Variants in PAX7 observed in about 807,000 individuals in gnomAD.
The protein encoded by PAX7 is paired box protein Pax-7.
Under a neutral mutation model 50.7 loss-of-function variants are expected in PAX7, and 18 were observed. The observed-to-expected ratio is 0.36, with a 90% CI of 0.25 to 0.53. The LOEUF (loss-of-function observed/expected upper bound fraction) is 0.53. PAX7 is among the 20% of genes least tolerant of loss of function. The pLI is 0.93. For synonymous variants in PAX7, 310 were observed against 290.4 expected (o/e 1.07, Z -0.69); for missense variants, 644 against 702.9 (o/e 0.92, Z 0.95).
chr1:18,660,859 G>T (rs12407764), intron 4 of PAX7, among the ~76,000 whole-genome samples: 3,708 of 152,308 alleles, frequency 0.024, 103 homozygotes, highest in East Asian at 0.14. Context: ...TGAGTTAGGG[G>T]AGAAATGGGC....
At chr1:18,671,878 G>A (rs1457688954) in intron 4 of PAX7, among the ~76,000 whole-genome samples, 2 of 151,860 alleles carry the variant, frequency 1.3e-5, no homozygotes, top group South Asian at 2.1e-4. Context: ...TTGGGAGGTC[G>A]AGGCAGGAGG....
At chr1:18,692,735 T>C (rs539618618) in intron 5 of PAX7, among the ~76,000 whole-genome samples, 60 of 152,324 alleles carry the variant, frequency 3.9e-4, no homozygotes, top group Non-Finnish European at 2.2e-4. Context: ...GTAGGCTGGG[T>C]AGGCCAGTTC....
At chr1:18,676,584 G>A (rs1052879588) in intron 4 of PAX7, among the ~76,000 whole-genome samples, 4 of 152,120 alleles carry the variant, frequency 2.6e-5, no homozygotes, top group African/African-American at 9.7e-5. Flanking sequence ...GGAAAAGAGG[G>A]GGATTGGGGG....
At chr1:18,681,732 T>TTTATTTTATG (rs1553138023) in intron 4 of PAX7, among the ~76,000 whole-genome samples, 27 of 144,280 alleles carry the variant, frequency 1.9e-4, no homozygotes, top group African/African-American at 6.6e-4. Context: ...TTTATTTTAT[T>TTTATTTTATG]TTATTTTATT....
chr1:18,646,883 G>A (rs1232862914), intron 4 of PAX7, among the ~76,000 whole-genome samples: 1 of 148,986 alleles, frequency 6.7e-6, no homozygotes, highest in Non-Finnish European at 1.5e-5. Context: ...GCGGCGCGGG[G>A]CGGCGCGGCG....
At chr1:18,728,017 G>A (rs553977357) in intron 7 of PAX7, among the ~76,000 whole-genome samples, 3 of 152,176 alleles carry the variant, frequency 2.0e-5, no homozygotes, top group African/African-American at 4.8e-5. Context: ...GAGAGGAAGA[G>A]GGGGTGAGGG....
intron 4 of PAX7, among the ~76,000 whole-genome samples, chr1:18,642,126 T>G (rs2088265552): frequency 6.6e-6 from 1 of 151,286 alleles, no homozygotes; most frequent in Admixed American, 6.6e-5. Context: ...TGTCACACAT[T>G]ACATTATATA....
chr1:18,676,633 G>A (rs1246457026), intron 4 of PAX7, among the ~76,000 whole-genome samples: 4 of 152,110 alleles, frequency 2.6e-5, no homozygotes, highest in African/African-American at 9.7e-5. Context: ...AGAATGGGAG[G>A]GTGATGAAAT....
intron 4 of PAX7, among the ~76,000 whole-genome samples, chr1:18,676,315 G>T (rs1243571808): frequency 6.6e-6 from 1 of 151,816 alleles, no homozygotes; most frequent in Non-Finnish European, 1.5e-5. Context: ...CTCTGCCTGG[G>T]AACGGCCCAT....
chr1:18,700,149 G>C lies in PAX7; in HGVS notation c.787-504G>C, dbSNP rs908726616. 6.6e-6 allele frequency among the ~76,000 whole-genome samples: 1 copy of C among 151,582 alleles called. No individual in the cohort carries two copies. Among genetic ancestry groups the C allele is most frequent in the Admixed American group, 6.6e-5 (1 of 15,204 alleles). On this transcript the variant is annotated intron_variant, in intron 5 of 8. Coordinates refer to ENST00000420770, the MANE Select transcript of PAX7 (RefSeq NM_001135254.2). This position sits in a 1 kb window ranked among gnomAD's most constrained non-coding sequence, Gnocchi z 4.8. ...TTTCAAGGAGGCCCAGGGTGTGTAA[G>C]CAAAGTAGGGCCTCAGTCTCCAGAG...
chr1:18,667,656 G>T (rs2743218), intron 4 of PAX7, among the ~76,000 whole-genome samples: 68,197 of 151,826 alleles, frequency 0.45, 17,040 homozygotes, highest in African/African-American at 0.67. Flanking sequence ...TGGGTTTAAG[G>T]GGGTGGAAAT....
intron 4 of PAX7, among the ~76,000 whole-genome samples, chr1:18,661,992 A>T (rs944809474): frequency 1.3e-5 from 2 of 152,078 alleles, no homozygotes; most frequent in Non-Finnish European, 1.5e-5. Flanking sequence ...AGCCACTTGG[A>T]GCTCAGAGAG....
rs746475007 is a variant in PAX7, at chr1:18,735,714, T to C, written c.1238T>C (p.Leu413Pro). 3.1e-6 allele frequency: 5 copies of C among 1,613,970 alleles called. No individual in the cohort carries two copies. In the African/African-American group the frequency reaches 5.3e-5, roughly 17 times the overall value. The change falls in exon 8 of 9, where the codon CTG becomes CCG. Residue 413 changes from leucine to proline, a missense_variant. Leu to Pro is a moderately conservative substitution (Grantham distance 98, BLOSUM62 -3). Transcript: ENST00000420770. This position sits in a 1 kb window ranked among gnomAD's most constrained non-coding sequence, Gnocchi z 4.0. ...TCCATCTCCCCGCTGCATGGCGGCC[T>C]GGACTCGGCCACCTCCATCTCAGCC... ...DFSISPLHGG[L>P]DSATSISASC...
chr1:18,658,164 G>A (rs1464205834), intron 4 of PAX7, among the ~76,000 whole-genome samples: 3 of 152,082 alleles, frequency 2.0e-5, no homozygotes, highest in Admixed American at 1.3e-4. Context: ...GAATTCTGTC[G>A]GTTTTGTGTG....
chr1:18,705,758 TG>T (rs1311129435), intron 7 of PAX7, among the ~76,000 whole-genome samples: 1 of 152,170 alleles, frequency 6.6e-6, no homozygotes, highest in African/African-American at 2.4e-5. Flanking sequence ...CATCCTCTCC[TG>T]GAAGTTCCTA....
At chr1:18,647,341 G>A (rs2088361843) in intron 4 of PAX7, among the ~76,000 whole-genome samples, 1 of 152,194 alleles carries the variant, frequency 6.6e-6, no homozygotes, top group African/African-American at 2.4e-5. Flanking sequence ...TGGGCACGCG[G>A]CTCTGTGGCT....
intron 4 of PAX7, among the ~76,000 whole-genome samples, chr1:18,652,154 T>C (rs1457544093): frequency 6.8e-6 from 1 of 146,854 alleles, no homozygotes; most frequent in African/African-American, 2.5e-5. Flanking sequence ...CAGAGTGGGG[T>C]AGTGGGGGTG....
At chr1:18,721,438 C>G (rs523997) in intron 7 of PAX7, among the ~76,000 whole-genome samples, 103,747 of 152,102 alleles carry the variant, frequency 0.68, 36,614 homozygotes, top group African/African-American at 0.86. Flanking sequence ...CCCTCTCCCT[C>G]GACCCCCTCC....
rs528837163 is a variant in PAX7, at chr1:18,725,999, C to G, written c.1156-9633C>G. On this transcript the variant is annotated intron_variant, in intron 7 of 8. Transcript: ENST00000420770. ...GGAAGAGTGTGTGTGTGTGTGCGCG[C>G]GCGCGCGTGCGCGCGTGTGTGTGCG... 5.2e-5 allele frequency among the ~76,000 whole-genome samples: 6 copies of G among 116,114 alleles called. No homozygotes were observed. The East Asian group carries it at 1.6e-3, about 31-fold the overall frequency. The allele number at this position is 116,114 out of a possible 152,430, so 76.2% of individuals were successfully genotyped here.
Sources: gnomAD v4.1 joint callset for allele counts (sites outside exome capture counted in the v4.1 genomes callset) on GRCh38, gnomAD v4.1.1 for gene constraint, Gnocchi (gnomAD v3.1) non-coding constraint, MANE v1.5 for transcripts, NCBI Gene and HGNC (gene_info 2026-07-23, HGNC 2026-07-21) for gene names.